SRR: variants seen among roughly 807,000 people sequenced by gnomAD.
SRR encodes the protein serine racemase.
SRR carries 19 observed loss-of-function variants against 32.7 expected under a neutral mutation model. The ratio of observed to expected loss-of-function variants is 0.58; its 90% CI spans 0.40 to 0.85. SRR has a LOEUF of 0.85. SRR is among the 40% of genes least tolerant of loss of function. SRR has a pLI of 0.00. For missense variants in SRR, 373 were observed against 404.7 expected (o/e 0.92, Z 0.67); for synonymous variants, 142 against 140.9 (o/e 1.01, Z -0.06).
chr17:2,315,995 T>C (rs1416158000), intron 2 of SRR, among the ~76,000 whole-genome samples: 1 of 152,072 alleles, frequency 6.6e-6, no homozygotes, highest in African/African-American at 2.4e-5. Context: ...TGTATGTGCA[T>C]ATATATAATA....
chr17:2,314,848 A>G (rs1418004853), intron 1 of SRR, among the ~76,000 whole-genome samples: 1 of 151,802 alleles, frequency 6.6e-6, no homozygotes, highest in East Asian at 1.9e-4. Context: ...TTATCAAATA[A>G]TTTGTTAAAT....
At chr17:2,312,949 A>C (rs975181817) in intron 1 of SRR, among the ~76,000 whole-genome samples, 16 of 152,106 alleles carry the variant, frequency 1.1e-4, no homozygotes, top group Admixed American at 9.2e-4. Flanking sequence ...TTTTCAAGAG[A>C]TAGGGTCCTG....
chr17:2,323,607 C>T (rs536759489), intron 7 of SRR, 48 bp from the exon 8 acceptor site: 1 of 1,588,344 alleles, frequency 6.3e-7, no homozygotes, highest in Admixed American at 1.7e-5. Flanking sequence ...ATAGGTAAAC[C>T]AACTAGACTC....
rs775454217 is a variant in SRR, at chr17:2,324,272, T to C, written c.*399T>C. 1.3e-6 allele frequency: 2 copies of C among 1,554,078 alleles called. No individual in the cohort carries two copies. The highest frequency in any genetic ancestry group is 8.7e-7 in the Non-Finnish European group (1 of 1,155,622). On this transcript the variant is annotated 3_prime_UTR_variant, in exon 8 of 8. Coordinates refer to ENST00000344595, the MANE Select transcript of SRR (RefSeq NM_021947.3). ...GGGTACTGGTTCTGGTACATATGGA[T>C]CATAAGTCCATTTGGGGAAGACTCG...
chr17:2,303,872 G>A (rs1002533383), upstream of SRR: 13 of 604,592 alleles, frequency 2.2e-5, no homozygotes, highest in Non-Finnish European at 2.9e-5. Flanking sequence ...GGCCGCGCTG[G>A]GAGGAAAAGC....
At chr17:2,315,240 CAAAAAAA>C (rs397856755) in intron 1 of SRR, 67 of 61,340 alleles carry the variant, frequency 1.1e-3, no homozygotes, top group Non-Finnish European at 1.8e-3. Flanking sequence ...GACTCCGTCT[CAAAAAAA>C]AAAAAAAAAA....
intron 1 of SRR, among the ~76,000 whole-genome samples, chr17:2,308,776 G>A (rs143465261): frequency 3.3e-5 from 5 of 151,746 alleles, no homozygotes; most frequent in Admixed American, 2.0e-4. Flanking sequence ...AGCCAAGATC[G>A]CACCACTGCA....
In SRR at chr17:2,317,918, G is replaced by C. The variant is rs757613663; in HGVS notation, c.217G>C (p.Glu73Gln). ...AVRSLVPDAL[E>Q]RKPKAVVTHS... ...CAGAAGCTTGGTTCCTGATGCTTTA[G>C]AAAGGAAGCCGAAAGCTGTTGTTAC... is the stretch of plus-strand genomic sequence containing the variant. The change falls in exon 3 of 8, where the codon GAA becomes CAA. Residue 73 changes from glutamate (E) to glutamine (Q), a missense_variant. Transcript: ENST00000344595. 1.9e-6 allele frequency: 3 copies of C among 1,613,840 alleles called. No individual in the cohort carries two copies. Among genetic ancestry groups the C allele is most frequent in the Admixed American group, 1.7e-5 (1 of 59,972 alleles).
chr17:2,321,496 T>A (rs776387310), intron 5 of SRR, 46 bp from the exon 6 acceptor site: 2 of 1,612,956 alleles, frequency 1.2e-6, no homozygotes, highest in Non-Finnish European at 1.7e-6. Context: ...ATTTTATATG[T>A]ATACATTAAA....
chr17:2,319,052 T>G, intron 4 of SRR, 123 bp downstream of exon 4: 1 of 605,590 alleles, frequency 1.7e-6, no homozygotes. Flanking sequence ...GTTAGCATGC[T>G]CAACCTTTTC....
At chr17:2,306,214 G>A (rs1597256228) in intron 1 of SRR, among the ~76,000 whole-genome samples, 1 of 151,256 alleles carries the variant, frequency 6.6e-6, no homozygotes, top group Non-Finnish European at 1.5e-5. Context: ...TACTTGGGAC[G>A]CTCAGGCAGG....
rs754251967 is a variant in SRR at position 2,317,916 on chromosome 17, T to C, written c.215T>C (p.Leu72Ser). Reference sequence around the variant, plus strand: ...GTCAGAAGCTTGGTTCCTGATGCTTTAGAAAGGAAGCCGAAAGCTGTTGTT... The same window carrying C: ...GTCAGAAGCTTGGTTCCTGATGCTTCAGAAAGGAAGCCGAAAGCTGTTGTT... ...NAVRSLVPDALERKPKAVVTH... is the reference protein window; with the variant it reads ...NAVRSLVPDASERKPKAVVTH... Residue 72 changes from leucine (L) to serine (S), a missense_variant, in exon 3 of 8, where the codon TTA becomes TCA. Physicochemically the swap from Leu to Ser is moderately radical, Grantham distance 145. Coordinates refer to ENST00000344595, the MANE Select transcript of SRR (RefSeq NM_021947.3). The C allele has an allele frequency of 2.5e-6, 4 of 1,613,990 alleles. No individual in the cohort carries two copies. The highest frequency in any genetic ancestry group is 2.5e-6 in the Non-Finnish European group (3 of 1,179,976).
chr17:2,317,983 T>G lies in SRR; in HGVS notation c.282T>G (p.Ala94=). ...SGNHGQALTY[A]AKLEGIPAYI... is the part of the protein sequence containing the mutation. The stretch of plus-strand genomic sequence containing the variant: ...ACCATGGCCAGGCTCTCACCTATGC[T>G]GCCAAATTGGAAGGTACTTGATTTC... The change falls in exon 3 of 8, where the codon GCT becomes GCG. Residue 94 remains alanine, a synonymous_variant. Transcript: ENST00000344595. 1 of 1,612,442 alleles carries G rather than the reference T, an allele frequency of 6.2e-7. No individual in the cohort carries two copies. The highest frequency in any genetic ancestry group is 1.7e-4 in the Middle Eastern group (1 of 6,060).
chr17:2,315,686 T>TTTC lies in SRR; in HGVS notation c.130_132dup (p.Phe44dup). The TTTC allele has an allele frequency of 6.2e-7, 1 of 1,614,084 alleles. No homozygotes were observed. Among genetic ancestry groups the TTTC allele is most frequent in the Non-Finnish European group, 8.5e-7 (1 of 1,180,028 alleles). ...TGAATCAACTAACAGGGCGCAATCT[T>TTTC]TTCTTCAAATGTGAACTCTTCCAGA... On this transcript the variant is annotated inframe_insertion, in exon 2 of 8. Transcript: ENST00000344595.
At chr17:2,318,464 C>CTT (rs1170914950) in intron 3 of SRR, among the ~76,000 whole-genome samples, 62 of 126,570 alleles carry the variant, frequency 4.9e-4, no homozygotes, top group African/African-American at 1.4e-3. Flanking sequence ...ATGTTTCTTT[C>CTT]TTTTTTTTTT....
Position 2,325,032 on chromosome 17 carries a change from G to T in SRR, c.*1159G>T. On this transcript the variant is annotated 3_prime_UTR_variant, in exon 8 of 8. Transcript: ENST00000344595. ...AAACTTGTACTTCAAGAGAAATGAT[G>T]TATAACAAAACCATACTTTTTCTCA... 1.6e-6 allele frequency: 1 copy of T among 623,842 alleles called. No individual in the cohort carries two copies. The highest frequency in any genetic ancestry group is 2.7e-6 in the Non-Finnish European group (1 of 371,624). 38.6% of individuals were successfully genotyped at this position (623,842 alleles called of 1,614,324 possible).
At chr17:2,313,566 C>A (rs1322302698) in intron 1 of SRR, among the ~76,000 whole-genome samples, 1 of 149,696 alleles carries the variant, frequency 6.7e-6, no homozygotes, top group Admixed American at 6.7e-5. Context: ...TGAAACCCCG[C>A]CTCTACGAAA....
chr17:2,303,605 G>A, upstream of SRR: 4 of 1,413,526 alleles, frequency 2.8e-6, no homozygotes, highest in Non-Finnish European at 3.7e-6. Context: ...GGGCAGGCCC[G>A]GCCCAGGAGC....
At chr17:2,310,544 A>G (rs140409504) in intron 1 of SRR, among the ~76,000 whole-genome samples, 1 of 151,520 alleles carries the variant, frequency 6.6e-6, no homozygotes, top group South Asian at 2.1e-4. Context: ...AAAAATATTG[A>G]GACTTCAGGC....
Sources: allele counts gnomAD v4.1 joint callset (sites outside exome capture counted in the v4.1 genomes callset), GRCh38; gene constraint gnomAD v4.1.1; transcripts MANE v1.5; gene names NCBI Gene and HGNC (gene_info 2026-07-23, HGNC 2026-07-21).